The following CDKL1 variants were observed in gnomAD, a reference collection of about 807,000 sequenced individuals.
CDKL1 encodes the protein cyclin dependent kinase like 1, also known as cyclin-dependent kinase-like 1.
Under a neutral mutation model 42.0 loss-of-function variants are expected in CDKL1, and 41 were observed. That is an observed-to-expected ratio of 0.98 (90% CI 0.76 to 1.27). CDKL1 has a LOEUF of 1.27. Ranked by LOEUF, CDKL1 falls within the 50% of genes most tolerant of loss-of-function variation. The probability of loss-of-function intolerance (pLI) is 0.00; values close to 1 mark genes in which losing one functional copy is unlikely to be tolerated. For missense variants in CDKL1, 394 were observed against 428.4 expected (o/e 0.92, Z 0.71); for synonymous variants, 153 against 158.6 (o/e 0.96, Z 0.26).
In CDKL1 at chr14:50,380,017, A is replaced by T. The variant is rs1446046583; in HGVS notation, c.168+15684T>A. 6 of 447,398 alleles carry T rather than the reference A, an allele frequency of 1.3e-5. No individual in the cohort carries two copies. In the Admixed American group the frequency reaches 1.5e-4, roughly 11 times the overall value. The allele number at this position is 447,398 out of a possible 1,614,324, so 27.7% of individuals were successfully genotyped here. On this transcript the variant is annotated intron_variant, in intron 2 of 9. Transcript: ENST00000395834. ...AGCACCGTTTCATACTGGGCTTAAC[A>T]GGTCCATGAATCCATTCTTGAGATA...
intron 2 of CDKL1, among the ~76,000 whole-genome samples, chr14:50,364,249 G>A (rs2034374871): frequency 6.6e-6 from 1 of 152,186 alleles, no homozygotes; most frequent in South Asian, 2.1e-4. Flanking sequence ...GCAGGCGGAT[G>A]CCTGAGTTTA....
intron 2 of CDKL1, among the ~76,000 whole-genome samples, chr14:50,376,999 C>T (rs1178855276): frequency 2.0e-5 from 3 of 152,146 alleles, no homozygotes; most frequent in African/African-American, 7.2e-5. Context: ...GAAAACGTTC[C>T]AAGCAGTAGG....
At chr14:50,387,946 G>A (rs762753758) in intron 2 of CDKL1, among the ~76,000 whole-genome samples, 23 of 152,132 alleles carry the variant, frequency 1.5e-4, no homozygotes, top group Non-Finnish European at 3.4e-4. Context: ...GCCCAGGCTG[G>A]AGCACAATGG....
intron 8 of CDKL1, chr14:50,332,903 C>CTT (rs35560184): frequency 1.4e-3 from 356 of 262,748 alleles, no homozygotes; most frequent in South Asian, 2.2e-3. Flanking sequence ...AAATCAGCTA[C>CTT]TTTTTTTTTT....
intron 3 of CDKL1, among the ~76,000 whole-genome samples, chr14:50,354,884 A>G (rs1377837364): frequency 6.6e-6 from 1 of 152,178 alleles, no homozygotes; most frequent in Non-Finnish European, 1.5e-5. Context: ...TTAATAATTA[A>G]ACATTAAAAC....
intron 3 of CDKL1, among the ~76,000 whole-genome samples, chr14:50,358,569 G>T (rs2034130816): frequency 2.1e-5 from 3 of 142,238 alleles, no homozygotes; most frequent in South Asian, 2.2e-4. Context: ...AACATTTTTT[G>T]TAATCTTTCT....
At chr14:50,387,990 G>A (rs1005539312) in intron 2 of CDKL1, among the ~76,000 whole-genome samples, 6 of 151,434 alleles carry the variant, frequency 4.0e-5, no homozygotes, top group Admixed American at 6.6e-5. Flanking sequence ...TCCACCTCCC[G>A]GGTTCAAGCG....
intron 2 of CDKL1, among the ~76,000 whole-genome samples, chr14:50,370,130 AC>A (rs1246964217): frequency 6.7e-6 from 1 of 150,298 alleles, no homozygotes; most frequent in Non-Finnish European, 1.5e-5. Flanking sequence ...GTGCAGTGGC[AC>A]GATCTTGGCT....
intron 2 of CDKL1, among the ~76,000 whole-genome samples, chr14:50,382,858 G>T (rs533667835): frequency 6.6e-6 from 1 of 152,018 alleles, no homozygotes; most frequent in Admixed American, 6.5e-5. Context: ...CTCCCAAAGC[G>T]TTAGGATTAC....
intron 4 of CDKL1, chr14:50,342,753 A>G: frequency 1.7e-6 from 1 of 599,190 alleles, no homozygotes; most frequent in East Asian, 1.1e-4. Flanking sequence ...AACTGTGAAC[A>G]GAACACAGTC....
In CDKL1 at chr14:50,396,853, CTCCCGCCTCGCCTTCT is replaced by C. The variant is rs1179820686; in HGVS notation, c.-507_-492del. 5.2e-6 allele frequency: 1 copy of C among 194,072 alleles called. No homozygotes were observed. The highest frequency in any genetic ancestry group is 1.0e-5 in the Non-Finnish European group (1 of 98,508). The allele number at this position is 194,072 out of a possible 1,614,324, so 12.0% of individuals were successfully genotyped here. A position where few individuals can be genotyped will look rare whatever the true frequency, so the allele number is the denominator to read the frequency against. On this transcript the variant is annotated 5_prime_UTR_variant, in exon 1 of 10. Coordinates refer to ENST00000395834, the MANE Select transcript of CDKL1 (RefSeq NM_004196.7). ...CCGCGGCGGTCAGGGACGGGCCTGG[CTCCCGCCTCGCCTTCT>C]TCCGCCCAGCTCGGCTCGGCGTGGC...
Position 50,339,034 on chromosome 14 carries a change from G to T in CDKL1, c.656-5C>A. ...GGTGCCTAGGAATGAGATCCCCTTT[G>T]GACAAGAAAAGAAAAAGGTAAGTGA... On this transcript the variant is annotated splice_polypyrimidine_tract_variant and splice_region_variant and intron_variant, in intron 6 of 9. Transcript: ENST00000395834. 1 of 1,595,290 alleles carries T rather than the reference G, an allele frequency of 6.3e-7. No homozygotes were observed. The highest frequency in any genetic ancestry group is 1.1e-5 in the South Asian group (1 of 90,714).
intron 2 of CDKL1, among the ~76,000 whole-genome samples, chr14:50,383,695 T>A (rs2034991437): frequency 6.6e-6 from 1 of 152,130 alleles, no homozygotes. Context: ...ATTACAAAAA[T>A]CACTTTTCCT....
intron 2 of CDKL1, chr14:50,390,260 T>C (rs762155507): frequency 2.9e-6 from 4 of 1,366,468 alleles, no homozygotes; most frequent in Non-Finnish European, 3.9e-6. Flanking sequence ...TAATATATTT[T>C]AACGCCCCCA....
At chr14:50,374,128 A>G (rs2034663129) in intron 2 of CDKL1, among the ~76,000 whole-genome samples, 3 of 152,238 alleles carry the variant, frequency 2.0e-5, no homozygotes. Flanking sequence ...AGACAGGTAT[A>G]AAGTTTAAAT....
rs34614605 is a variant in CDKL1, at chr14:50,369,608, GCACACACACACACA to G, written c.169-10473_169-10460del. Among the ~76,000 whole-genome samples the G allele has an allele frequency of 1.3e-4, 19 of 143,976 alleles. No individual in the cohort carries two copies. In the South Asian group the frequency reaches 1.8e-3, roughly 13 times the overall value. 94.5% of individuals were successfully genotyped at this position (143,976 alleles called of 152,430 possible). On this transcript the variant is annotated intron_variant, in intron 2 of 9. Transcript: ENST00000395834. ...TTATATATAATATATATACACACAT[GCACACACACACACA>G]CACACACACACACATATATATATAG...
chr14:50,390,169 T>C, intron 2 of CDKL1: 1 of 1,366,286 alleles, frequency 7.3e-7, no homozygotes, highest in Non-Finnish European at 9.8e-7. Flanking sequence ...TTTGTCTCAC[T>C]TGTTTTTCTT....
At chr14:50,366,115 T>C (rs1030256310) in intron 2 of CDKL1, among the ~76,000 whole-genome samples, 1 of 152,202 alleles carries the variant, frequency 6.6e-6, no homozygotes, top group African/African-American at 2.4e-5. Context: ...ATCCTATTGG[T>C]TCTGTCCCTC....
At chr14:50,342,793 T>G in intron 4 of CDKL1, 1 of 1,002,662 alleles carries the variant, frequency 1.0e-6, no homozygotes, top group African/African-American at 1.8e-5. Flanking sequence ...GCCCTGGGCC[T>G]GCTGAGATAA....
Sources: allele counts gnomAD v4.1 joint callset (sites outside exome capture counted in the v4.1 genomes callset), GRCh38; gene constraint gnomAD v4.1.1; transcripts MANE v1.5; gene names NCBI Gene and HGNC (gene_info 2026-07-23, HGNC 2026-07-21).